Variants in ELAPOR2 observed in about 807,000 individuals in gnomAD.
ELAPOR2 encodes the protein endosome/lysosome-associated apoptosis and autophagy regulator family member 2.
ELAPOR2 carries 89 observed loss-of-function variants against 120.7 expected under a neutral mutation model. The observed-to-expected ratio is 0.74, with a 90% CI of 0.62 to 0.88. The LOEUF (loss-of-function observed/expected upper bound fraction) is 0.88. ELAPOR2 is among the 40% of genes least tolerant of loss of function. The pLI, the probability that ELAPOR2 is intolerant of heterozygous loss-of-function variation, is 0.00. For missense variants in ELAPOR2, 1,134 were observed against 1,251.6 expected (o/e 0.91, Z 1.42); for synonymous variants, 444 against 444.9 (o/e 1.00, Z 0.03).
chr7:86,965,804 A>T, intron 1 of ELAPOR2: 7 of 985,206 alleles, frequency 7.1e-6, no homozygotes, highest in Non-Finnish European at 8.4e-6. Flanking sequence ...TTTTCAGTTC[A>T]ATACCTTACT....
intron 10 of ELAPOR2, 71 bp from the exon 11 acceptor site, chr7:86,919,381 G>A: frequency 6.9e-6 from 6 of 870,592 alleles, no homozygotes; most frequent in South Asian, 4.2e-5. Context: ...GTTTAAATAA[G>A]GTAAAAATAA....
rs987436517 is a variant in ELAPOR2 at position 86,956,942 on chromosome 7, C to T, written c.310+7962G>A. Among the ~76,000 whole-genome samples, 5 of 152,308 alleles carry T rather than the reference C, an allele frequency of 3.3e-5. No homozygotes were observed. In the South Asian group the frequency reaches 8.3e-4, roughly 25 times the overall value. ...CTTATCATCCTAAACTTTTCCTCTT[C>T]CTTAGAAAGTGTCAGTCACCTTCTA... On this transcript the variant is annotated intron_variant, in intron 2 of 21. Transcript: ENST00000450689.
At chr7:86,958,560 G>A (rs1791568718) in intron 2 of ELAPOR2, among the ~76,000 whole-genome samples, 1 of 152,144 alleles carries the variant, frequency 6.6e-6, no homozygotes, top group Non-Finnish European at 1.5e-5. Context: ...CGATTGAGTT[G>A]CCAGAATCTC....
At chr7:87,013,983 C>T (rs1171493196) in intron 1 of ELAPOR2, among the ~76,000 whole-genome samples, 1 of 151,242 alleles carries the variant, frequency 6.6e-6, no homozygotes, top group Non-Finnish European at 1.5e-5. Context: ...CCCATACTGT[C>T]ACTGAGTGTC....
At chr7:87,056,754 G>A (rs1385942450) in intron 1 of ELAPOR2, among the ~76,000 whole-genome samples, 2 of 152,152 alleles carry the variant, frequency 1.3e-5, no homozygotes, top group South Asian at 2.1e-4. Flanking sequence ...AATTATAACT[G>A]GATGACTCCC....
At chr7:86,928,521 C>A (rs1790181032) in intron 8 of ELAPOR2, among the ~76,000 whole-genome samples, 1 of 151,774 alleles carries the variant, frequency 6.6e-6, no homozygotes, top group South Asian at 2.1e-4. Context: ...GTGCTGACAC[C>A]CTGTACTATG....
Position 86,909,849 on chromosome 7 carries a change from T to C in ELAPOR2, c.2322A>G (p.Leu774=). 1 of 1,613,114 alleles carries C rather than the reference T, an allele frequency of 6.2e-7. No homozygotes were observed. Among genetic ancestry groups the C allele is most frequent in the Non-Finnish European group, 8.5e-7 (1 of 1,179,436 alleles). Residue 774 remains leucine (L), a synonymous_variant, in exon 16 of 22, where the codon TTA becomes TTG. Transcript: ENST00000450689. ...PSESKGFRAA[L]SSQSIILADT... ...CTGCCAGAATGATGGATTGTGATGA[T>C]AAGGCTGCTCGGAAACCCTTACTTT...
At chr7:87,048,005 G>A (rs539099632) in intron 1 of ELAPOR2, among the ~76,000 whole-genome samples, 1 of 152,284 alleles carries the variant, frequency 6.6e-6, no homozygotes, top group South Asian at 2.1e-4. Flanking sequence ...CAGAACTTTG[G>A]GAGGCTGAGG....
At position 86,914,843 on chromosome 7, in the gene ELAPOR2, A is replaced by T; in HGVS notation, c.1611T>A (p.Ser537Arg). 6.2e-7 allele frequency: 1 copy of T among 1,609,788 alleles called. No homozygotes were observed. The highest frequency in any genetic ancestry group is 8.5e-7 in the Non-Finnish European group (1 of 1,178,260). Residue 537 changes from serine (S) to arginine (R), a missense_variant, in exon 13 of 22, where the codon AGT (serine) becomes AGA (arginine). Coordinates refer to ENST00000450689, the MANE Select transcript of ELAPOR2 (RefSeq NM_001142749.3). ...CACCCCACGATTCTACCACATTTGT[A>T]CTTTTTCTATTAATATCCTGAAATA... The part of the protein sequence containing the change: ...LYFMVDINRK[S>R]TNVVESWGGT...
At chr7:87,034,880 C>A (rs990232351) in intron 1 of ELAPOR2, among the ~76,000 whole-genome samples, 9 of 151,988 alleles carry the variant, frequency 5.9e-5, no homozygotes, top group African/African-American at 2.2e-4. Flanking sequence ...GTCAGGAATT[C>A]GAGACCAACC....
chr7:86,925,430 C>T, intron 10 of ELAPOR2, 98 bp downstream of exon 10: 1 of 1,239,812 alleles, frequency 8.1e-7, no homozygotes, highest in Non-Finnish European at 1.2e-6. Context: ...GATTGAAGTT[C>T]CTCATACCCA....
At chr7:86,932,111 T>G (rs765845695) in intron 8 of ELAPOR2, among the ~76,000 whole-genome samples, 6 of 151,688 alleles carry the variant, frequency 4.0e-5, no homozygotes, top group Non-Finnish European at 8.8e-5. Context: ...CCAATCAGAG[T>G]CTTTTCCGAA....
intron 1 of ELAPOR2, among the ~76,000 whole-genome samples, chr7:87,002,782 T>G (rs1357175527): frequency 6.6e-6 from 1 of 152,122 alleles, no homozygotes; most frequent in Non-Finnish European, 1.5e-5. Context: ...TGTGAAGCTT[T>G]GGCACATGTT....
rs149305482 is a variant in ELAPOR2, at chr7:86,910,648, A to G, written c.2170-647T>C. On this transcript the variant is annotated intron_variant, in intron 15 of 21. Transcript: ENST00000450689. ...ATAATTTTGAAAATAATTGGAAGAT[A>G]TAACTTATAAAAAATGGAAAAATTG... 7.4e-4 allele frequency among the ~76,000 whole-genome samples: 112 copies of G among 152,268 alleles called. 1 individual carries two copies. Among genetic ancestry groups the G allele is most frequent in the African/African-American group, 2.5e-3 (102 of 41,572 alleles).
rs114287261 is a variant in ELAPOR2 at position 86,881,838 on chromosome 7, G to C, written c.3031-1308C>G. Among the ~76,000 whole-genome samples the C allele has an allele frequency of 6.0e-3, 910 of 152,218 alleles. 12 individuals are homozygous for C. The highest frequency in any genetic ancestry group is 0.02 in the African/African-American group (829 of 41,526). On this transcript the variant is annotated intron_variant, in intron 21 of 21. Transcript: ENST00000450689. ...ATTTTTTAAAATAAATGAAATAGGA[G>C]GCCAATCAGTCTCACATGCAAATAG...
At chr7:87,045,840 C>G (rs1369675887) in intron 1 of ELAPOR2, among the ~76,000 whole-genome samples, 1 of 151,834 alleles carries the variant, frequency 6.6e-6, no homozygotes, top group East Asian at 1.9e-4. Context: ...AGGTCCACAG[C>G]TAGTATCATA....
intron 11 of ELAPOR2, among the ~76,000 whole-genome samples, chr7:86,918,847 G>C (rs1192624945): frequency 1.3e-5 from 2 of 152,052 alleles, no homozygotes; most frequent in East Asian, 1.9e-4. Context: ...ATGGGATTAA[G>C]AAATTTCTAA....
At chr7:87,039,345 T>C (rs1794686753) in intron 1 of ELAPOR2, among the ~76,000 whole-genome samples, 1 of 152,126 alleles carries the variant, frequency 6.6e-6, no homozygotes, top group African/African-American at 2.4e-5. Flanking sequence ...GAAGAACTAA[T>C]CTCGGTCCAA....
intron 17 of ELAPOR2, 66 bp from the exon 18 acceptor site, chr7:86,907,837 G>T: frequency 1.3e-6 from 1 of 795,868 alleles, no homozygotes; most frequent in Non-Finnish European, 1.9e-6. Flanking sequence ...CAAAAATATG[G>T]GAATAATTGC....
Sources: allele counts gnomAD v4.1 joint callset (sites outside exome capture counted in the v4.1 genomes callset), GRCh38; gene constraint gnomAD v4.1.1; transcripts MANE v1.5; gene names NCBI Gene and HGNC (gene_info 2026-07-23, HGNC 2026-07-21).